Variants in GLA observed in about 807,000 individuals in gnomAD.
The protein encoded by GLA is alpha-galactosidase A.
Under a neutral mutation model 28.2 loss-of-function variants are expected in GLA, and 4 were observed. The ratio of observed to expected loss-of-function variants is 0.14; its 90% CI spans 0.07 to 0.32. The LOEUF (loss-of-function observed/expected upper bound fraction) is 0.32. Among genes scored for constraint, GLA ranks in the 10% least tolerant of loss-of-function variants. The pLI is 1.00. For missense variants in GLA, 203 were observed against 323.7 expected, an observed-to-expected ratio of 0.63 and a Z score of 2.86; for synonymous variants, 94 against 113.0, an observed-to-expected ratio of 0.83 and a Z score of 1.07.
chrX:101,399,455 C>T (rs782155303), intron 4 of GLA, among the ~76,000 whole-genome samples: 12 of 111,821 alleles, frequency 1.1e-4, no homozygotes, highest in Non-Finnish European at 1.9e-4. Flanking sequence ...ATCCCAGCTA[C>T]TGGGAGGCTG....
At position 101,403,795 on chromosome X, in the gene GLA, TTATC is replaced by T. The variant is rs1555986226; in HGVS notation, c.369+12_369+15del. 8.3e-7 allele frequency: 1 copy of T among 1,199,252 alleles called. No homozygotes were observed. The highest frequency in any genetic ancestry group is 3.0e-5 in the East Asian group (1 of 33,795). Reference sequence around the variant, plus strand: ...ACAGTCCTCTGAATGAACAAGAACATTATCTATAAACTCACATAATTAGCTAGCT... The same window carrying T: ...ACAGTCCTCTGAATGAACAAGAACATTATAAACTCACATAATTAGCTAGCT... On this transcript the variant is annotated intron_variant, in intron 2 of 6. Transcript: ENST00000218516.
Position 101,401,581 on chromosome X carries a change from T to G in GLA, c.547+51A>C, listed in dbSNP as rs186273861. 4.4e-5 allele frequency: 46 copies of G among 1,043,592 alleles called. No individual in the cohort carries two copies. In the Admixed American group the frequency reaches 9.9e-4, roughly 22 times the overall value. 86.0% of individuals were successfully genotyped at this position (1,043,592 alleles called of 1,213,427 possible). A position where few individuals can be genotyped will look rare whatever the true frequency, so the allele number is the denominator to read the frequency against. The stretch of plus-strand genomic sequence containing the variant: ...GATTGGTTCTTTGGCTCAGCTACCA[T>G]GGCCTCAAAGTTCTTTCCTTTGTGG... On this transcript the variant is annotated intron_variant, in intron 3 of 6. Coordinates refer to ENST00000218516, the MANE Select transcript of GLA (RefSeq NM_000169.3).
At chrX:101,403,298 CAAAAAA>C (rs1345659937) in intron 2 of GLA, among the ~76,000 whole-genome samples, 1 of 32,796 alleles carries the variant, frequency 3.0e-5, no homozygotes, top group Non-Finnish European at 6.0e-5. Flanking sequence ...GACTCCATCT[CAAAAAA>C]AAAAAAAAAA....
In GLA at chrX:101,407,734, T is replaced by C. The variant is rs869312260; in HGVS notation, c.170A>G (p.Gln57Arg). ...CCTGATGCAGGAATCTGGCTCTTCC[T>C]GGCAGTCAAGGTTGCACATGAAGCG... Reference protein sequence around the residue: ...WERFMCNLDCQEEPDSCISEK... With the variant: ...WERFMCNLDCREEPDSCISEK... The change falls in exon 1 of 7, where the codon CAG (glutamine) becomes CGG (arginine). Residue 57 changes from glutamine to arginine, a missense_variant. Gln to Arg is a conservative substitution (Grantham distance 43). This residue lies in a region of GLA where 11 missense variants were observed against 44.6 expected (regional missense o/e 0.25). Transcript: ENST00000218516. 1 of 1,211,389 alleles carries C rather than the reference T, an allele frequency of 8.3e-7. No homozygotes were observed. Among genetic ancestry groups the C allele is most frequent in the Non-Finnish European group, 1.1e-6 (1 of 894,903 alleles).
At position 101,403,983 on chromosome X, in the gene GLA, T is replaced by C. The variant is rs869312264; in HGVS notation, c.197A>G (p.Glu66Gly). Residue 66 changes from glutamate to glycine, a missense_variant and splice_region_variant, in exon 2 of 7, where the codon GAG becomes GGG. Physicochemically the swap from Glu to Gly is moderately conservative, Grantham distance 98. Transcript: ENST00000218516. ...CTCTGCCATCTCCATGAAGAGCTTC[T>C]CACTGAAAGAGAAATTCCAATAATC... is the stretch of plus-strand genomic sequence containing the variant. ...CQEEPDSCIS[E>G]KLFMEMAELM... 1.7e-6 allele frequency: 2 copies of C among 1,205,842 alleles called. No individual in the cohort carries two copies. The highest frequency in any genetic ancestry group is 2.2e-6 in the Non-Finnish European group (2 of 890,138).
At chrX:101,406,331 A>G (rs1928518466) in intron 1 of GLA, among the ~76,000 whole-genome samples, 1 of 111,450 alleles carries the variant, frequency 9.0e-6, no homozygotes, top group Non-Finnish European at 1.9e-5. Flanking sequence ...CATGACATAA[A>G]CATGATCCAT....
chrX:101,407,414 G>A (rs1278252063), intron 1 of GLA, among the ~76,000 whole-genome samples: 1 of 110,431 alleles, frequency 9.1e-6, no homozygotes, highest in African/African-American at 3.3e-5. Flanking sequence ...CGGGCAGGGA[G>A]AGAGAGAAAG....
At chrX:101,401,897 G>C in intron 2 of GLA, 88 bp from the exon 3 acceptor site, 3 of 888,020 alleles carry the variant, frequency 3.4e-6, no homozygotes, top group East Asian at 6.2e-5. Context: ...GCTGGGGGAA[G>C]AGACAAGGTT....
At position 101,398,528 on chromosome X, in the gene GLA, C is replaced by T; in HGVS notation, c.841G>A (p.Val281Ile). The change falls in exon 6 of 7, where the codon GTA (valine) becomes ATA (isoleucine). Residue 281 changes from valine (V) to isoleucine (I), a missense_variant. Physicochemically the swap from Val to Ile is conservative, Grantham distance 29. Around this residue, in one of 3 missense-constraint regions of GLA, gnomAD observed 162 missense variants for 246.8 expected, o/e 0.66. Transcript: ENST00000218516. ...ATAGCCCAGAGGGCCATCTGAGTTA[C>T]TTGCTGATTCCAGCTGAGGCCAAAG... ...GNFGLSWNQQ[V>I]TQMALWAIMA... is the part of the protein sequence containing the mutation. 8.3e-7 allele frequency: 1 copy of T among 1,209,334 alleles called. No homozygotes were observed. The highest frequency in any genetic ancestry group is 1.1e-6 in the Non-Finnish European group (1 of 893,352).
rs397515869 is a variant in GLA at position 101,397,946 on chromosome X, T to C, written c.1153A>G (p.Thr385Ala). ...TTCCTTTTCACAGGGAGGAGCTGTGTGATGAAGCAGGCAGGATTACAGGCC... is the reference window on the plus strand; with the variant it reads ...TTCCTTTTCACAGGGAGGAGCTGTGCGATGAAGCAGGCAGGATTACAGGCC... ...GVACNPACFI[T>A]QLLPVKRKLG... Residue 385 changes from threonine to alanine, a missense_variant, in exon 7 of 7, where the codon ACA becomes GCA. Thr to Ala is a moderately conservative substitution (Grantham distance 58). This residue lies in a region of GLA where 162 missense variants were observed against 246.8 expected (regional missense o/e 0.66). Transcript: ENST00000218516. The C allele has an allele frequency of 2.3e-4, 279 of 1,210,267 alleles. 1 individual carries two copies. In the South Asian group the frequency reaches 4.6e-3, roughly 20 times the overall value.
In GLA at chrX:101,398,004, A is replaced by G. The variant is rs104894849; in HGVS notation, c.1095T>C (p.Tyr365=). 8.3e-6 allele frequency: 10 copies of G among 1,208,743 alleles called. No individual in the cohort carries two copies. The highest frequency in any genetic ancestry group is 3.5e-5 in the African/African-American group (2 of 57,169). The change falls in exon 7 of 7, where the codon TAT becomes TAC. Residue 365 remains tyrosine, a synonymous_variant. Transcript: ENST00000218516. The part of the protein sequence containing the change: ...NRQEIGGPRS[Y]TIAVASLGKG... The stretch of plus-strand genomic sequence containing the variant: ...TACCCAGGGAAGCAACTGCGATGGT[A>G]TAAGAGCGAGGTCCACCAATCTCCT...
At chrX:101,398,221 G>T in intron 6 of GLA, 122 bp from the exon 7 acceptor site, 1 of 783,935 alleles carries the variant, frequency 1.3e-6, no homozygotes, top group Admixed American at 2.4e-5. Flanking sequence ...TGATCCTGTA[G>T]CATTATTTTG....
Position 101,405,223 on chromosome X carries a change from C to T in GLA, c.195-1238G>A, listed in dbSNP as rs11795552. Among the ~76,000 whole-genome samples the T allele has an allele frequency of 0.063, 5,005 of 78,937 alleles. 176 individuals are homozygous for T. The highest frequency in any genetic ancestry group is 0.15 in the Middle Eastern group (20 of 133). The allele number at this position is 78,937 out of a possible 115,157, so 68.5% of individuals were successfully genotyped here. A position where few individuals can be genotyped will look rare whatever the true frequency, so the allele number is the denominator to read the frequency against. On this transcript the variant is annotated intron_variant, in intron 1 of 6. Transcript: ENST00000218516. ...TGTACTCCAGCCTGGGCAACAAGAGCGAAACTCCAGCTCAAAAAAAAAAAA... is the reference window on the plus strand; with the variant it reads ...TGTACTCCAGCCTGGGCAACAAGAGTGAAACTCCAGCTCAAAAAAAAAAAA...
At chrX:101,406,510 T>A (rs1928526400) in intron 1 of GLA, among the ~76,000 whole-genome samples, 1 of 111,619 alleles carries the variant, frequency 9.0e-6, no homozygotes, top group African/African-American at 3.3e-5. Context: ...TTTGCAATGA[T>A]CATGCATTAG....
chrX:101,405,191 G>A lies in GLA; in HGVS notation c.195-1206C>T, dbSNP rs1299808798. Among the ~76,000 whole-genome samples, 2 of 100,477 alleles carry A rather than the reference G, an allele frequency of 2.0e-5. No homozygotes were observed. Among genetic ancestry groups the A allele is most frequent in the Admixed American group, 1.1e-4 (1 of 9,149 alleles). 87.3% of individuals were successfully genotyped at this position (100,477 alleles called of 115,157 possible). ...GCGGAGGTTGCGGTGAACCGAGATC[G>A]TGACATTGTACTCCAGCCTGGGCAA... On this transcript the variant is annotated intron_variant, in intron 1 of 6. Transcript: ENST00000218516.
intron 2 of GLA, 96 bp from the exon 3 acceptor site, chrX:101,401,905 G>C: frequency 4.8e-6 from 4 of 832,658 alleles, no homozygotes; most frequent in Non-Finnish European, 7.2e-6. Context: ...AAGAGACAAG[G>C]TTACTTCACC....
At chrX:101,406,211 C>CAAA (rs781880952) in intron 1 of GLA, among the ~76,000 whole-genome samples, 7 of 35,642 alleles carry the variant, frequency 2.0e-4, no homozygotes, top group Admixed American at 3.5e-4. Context: ...GACCCCGTCT[C>CAAA]AAAAAAAAAA....
intron 2 of GLA, among the ~76,000 whole-genome samples, chrX:101,403,082 G>C (rs1555986098): frequency 9.1e-6 from 1 of 109,528 alleles, no homozygotes; most frequent in African/African-American, 3.3e-5. Context: ...GGCGGATCAC[G>C]AGGTCAGGAG....
At chrX:101,406,367 G>T (rs1009215236) in intron 1 of GLA, among the ~76,000 whole-genome samples, 1 of 110,947 alleles carries the variant, frequency 9.0e-6, no homozygotes. Flanking sequence ...ATGAAATAAA[G>T]AAATCTATGT....
Sources: gnomAD v4.1 joint callset for allele counts (sites outside exome capture counted in the v4.1 genomes callset) on GRCh38, gnomAD v4.1.1 for gene constraint, gnomAD v4.1.1 regional missense constraint, MANE v1.5 for transcripts, NCBI Gene and HGNC (gene_info 2026-07-23, HGNC 2026-07-21) for gene names.